Variants in CNTN5 observed in about 807,000 individuals in gnomAD.
CNTN5 encodes the protein contactin-5.
In CNTN5, 77 loss-of-function variants were observed where a neutral mutation model predicts 129.1. That is an observed-to-expected ratio of 0.60 (90% CI 0.50 to 0.72). CNTN5 has a LOEUF of 0.72. Among genes scored for constraint, CNTN5 ranks in the 30% least tolerant of loss-of-function variants. CNTN5 has a pLI of 0.00. For missense variants in CNTN5, 1,478 were observed against 1,328.8 expected, an observed-to-expected ratio of 1.11 and a Z score of -1.75; for synonymous variants, 509 against 465.6, an observed-to-expected ratio of 1.09 and a Z score of -1.20.
intron 1 of CNTN5, among the ~76,000 whole-genome samples, chr11:99,114,834 T>A (rs1857967299): frequency 6.6e-6 from 1 of 152,128 alleles, no homozygotes; most frequent in Non-Finnish European, 1.5e-5. Context: ...TATCAAACAA[T>A]CCGTGTTATA....
intron 1 of CNTN5, among the ~76,000 whole-genome samples, chr11:99,282,611 T>G (rs1863751303): frequency 6.6e-6 from 1 of 152,078 alleles, no homozygotes; most frequent in African/African-American, 2.4e-5. Context: ...AGTGACATTC[T>G]TATCTGTTGA....
intron 6 of CNTN5, among the ~76,000 whole-genome samples, chr11:99,912,408 T>C (rs1053488449): frequency 1.8e-4 from 28 of 152,016 alleles, no homozygotes; most frequent in Non-Finnish European, 1.5e-5. Flanking sequence ...CTATGAAAAG[T>C]TGGCCCAAGT....
At chr11:99,865,956 T>G (rs1375116575) in intron 6 of CNTN5, among the ~76,000 whole-genome samples, 1 of 152,132 alleles carries the variant, frequency 6.6e-6, no homozygotes, top group Non-Finnish European at 1.5e-5. Flanking sequence ...TTACTGTTGT[T>G]ATTTATATTT....
chr11:99,188,968 A>G (rs892950076), intron 1 of CNTN5, among the ~76,000 whole-genome samples: 2 of 151,588 alleles, frequency 1.3e-5, no homozygotes, highest in Non-Finnish European at 3.0e-5. Context: ...TTTTTAATTG[A>G]AACTTTCGAA....
intron 1 of CNTN5, among the ~76,000 whole-genome samples, chr11:99,023,690 T>A (rs1261926366): frequency 2.6e-5 from 4 of 152,192 alleles, no homozygotes; most frequent in African/African-American, 9.6e-5. Context: ...GAGGCTCAGA[T>A]ATTTACAATA....
intron 6 of CNTN5, among the ~76,000 whole-genome samples, chr11:99,913,083 G>A (rs1337611389): frequency 2.0e-5 from 3 of 151,832 alleles, no homozygotes; most frequent in South Asian, 2.1e-4. Flanking sequence ...TACATGTAAC[G>A]TGTCATCTAT....
At chr11:100,337,520 C>A in intron 21 of CNTN5, 1 of 740,790 alleles carries the variant, frequency 1.3e-6, no homozygotes. Flanking sequence ...AGCTCAAACG[C>A]ATGTCTGTAT....
chr11:99,857,640 C>T (rs781495990), intron 6 of CNTN5, among the ~76,000 whole-genome samples: 2 of 151,986 alleles, frequency 1.3e-5, no homozygotes, highest in African/African-American at 4.8e-5. Context: ...TATTTGTACT[C>T]ATAATTTTGC....
intron 1 of CNTN5, among the ~76,000 whole-genome samples, chr11:99,313,946 C>A (rs1004143054): frequency 3.3e-5 from 5 of 151,876 alleles, no homozygotes; most frequent in Admixed American, 3.3e-4. Context: ...TCCTAGGCTA[C>A]AAATGAAGGA....
chr11:99,692,095 A>C (rs1298495944), intron 3 of CNTN5, among the ~76,000 whole-genome samples: 1 of 152,054 alleles, frequency 6.6e-6, no homozygotes, highest in Non-Finnish European at 1.5e-5. Flanking sequence ...TTTGCTTGGT[A>C]AATTTTCCTC....
chr11:99,452,267 C>A (rs1421741936), intron 2 of CNTN5, among the ~76,000 whole-genome samples: 1 of 151,618 alleles, frequency 6.6e-6, no homozygotes, highest in Non-Finnish European at 1.5e-5. Context: ...AGTGTCTCGT[C>A]AGCACTAATA....
At chr11:100,185,493 T>C (rs867459916) in intron 13 of CNTN5, among the ~76,000 whole-genome samples, 17 of 152,106 alleles carry the variant, frequency 1.1e-4, no homozygotes, top group Non-Finnish European at 2.2e-4. Context: ...GGTCTCGGTA[T>C]TTATTTCCTG....
intron 13 of CNTN5, among the ~76,000 whole-genome samples, chr11:100,134,723 C>A (rs909964145): frequency 1.4e-4 from 21 of 152,128 alleles, no homozygotes; most frequent in African/African-American, 5.1e-4. Context: ...CTATCAATTT[C>A]TACCAATCTG....
intron 3 of CNTN5, among the ~76,000 whole-genome samples, chr11:99,644,779 TTG>T (rs1951890537): frequency 6.6e-6 from 1 of 152,190 alleles, no homozygotes; most frequent in South Asian, 2.1e-4. Context: ...TTCTAATATG[TTG>T]TTTTTATTCT....
intron 16 of CNTN5, among the ~76,000 whole-genome samples, chr11:100,237,105 C>T (rs1200445095): frequency 6.7e-6 from 1 of 148,278 alleles, no homozygotes; most frequent in Non-Finnish European, 1.5e-5. Flanking sequence ...AGGAGAATGG[C>T]GTGAACCCGG....
At chr11:99,911,456 C>T (rs953724564) in intron 6 of CNTN5, among the ~76,000 whole-genome samples, 2 of 151,880 alleles carry the variant, frequency 1.3e-5, no homozygotes, top group Non-Finnish European at 2.9e-5. Context: ...TCAACCACAG[C>T]GTTTTACTTC....
intron 15 of CNTN5, among the ~76,000 whole-genome samples, chr11:100,213,410 C>T (rs114105521): frequency 0.013 from 1,912 of 152,250 alleles, 43 homozygotes; most frequent in African/African-American, 0.043. Flanking sequence ...CTGTATTATA[C>T]AGTTAGAGAA....
intron 3 of CNTN5, among the ~76,000 whole-genome samples, chr11:99,800,554 C>T (rs970494026): frequency 6.6e-6 from 1 of 152,072 alleles, no homozygotes; most frequent in Non-Finnish European, 1.5e-5. Context: ...AATTCCTCCA[C>T]TATTATCATG....
At position 99,561,291 on chromosome 11, in the gene CNTN5, A is replaced by ATAAG. The variant is rs199944503; in HGVS notation, c.55+5042_55+5045dup. Among the ~76,000 whole-genome samples the ATAAG allele has an allele frequency of 5.3e-3, 812 of 152,128 alleles. 22 individuals are homozygous for ATAAG. In the East Asian group the frequency reaches 0.098, roughly 18 times the overall value. On this transcript the variant is annotated intron_variant, in intron 3 of 24. Transcript: ENST00000524871. ...ACCAAAACTGGGACAATTTCAGCAA[A>ATAAG]TAAGTAAGTAAGTAAGTAAGTAAAT...
Sources: allele counts gnomAD v4.1 joint callset (sites outside exome capture counted in the v4.1 genomes callset), GRCh38; gene constraint gnomAD v4.1.1; transcripts MANE v1.5; gene names NCBI Gene and HGNC (gene_info 2026-07-23, HGNC 2026-07-21).